Variants in SVOPL observed in about 807,000 individuals in gnomAD.
SVOPL encodes putative transporter SVOPL.
A neutral mutation model predicts 61.0 loss-of-function variants in SVOPL; 60 were observed. That is an observed-to-expected ratio of 0.98 (90% confidence interval 0.80 to 1.22). The LOEUF (loss-of-function observed/expected upper bound fraction) is 1.22. Among genes scored for constraint, SVOPL ranks in the 50% most tolerant of loss-of-function variants. The probability of loss-of-function intolerance (pLI) is 0.00; values close to 1 mark genes in which losing one functional copy is unlikely to be tolerated. For missense variants in SVOPL, 662 were observed against 643.9 expected, an observed-to-expected ratio of 1.03 and a Z score of -0.30; for synonymous variants, 279 against 250.0, an observed-to-expected ratio of 1.12 and a Z score of -1.09.
chr7:138,610,103 A>C (rs567212559), intron 14 of SVOPL, among the ~76,000 whole-genome samples: 1 of 152,326 alleles, frequency 6.6e-6, no homozygotes, highest in African/African-American at 2.4e-5. Flanking sequence ...CTAACTGAAA[A>C]GTAACTTCTG....
chr7:138,660,130 T>C (rs1801940534), intron 5 of SVOPL, 142 bp from the exon 6 acceptor site: 1 of 1,449,046 alleles, frequency 6.9e-7, no homozygotes, highest in Non-Finnish European at 9.1e-7. Context: ...CACTGGTCTT[T>C]CACAATCATC....
intron 1 of SVOPL, among the ~76,000 whole-genome samples, chr7:138,698,896 A>G (rs1203412752): frequency 6.6e-6 from 1 of 152,174 alleles, no homozygotes; most frequent in African/African-American, 2.4e-5. Flanking sequence ...CACACCTGTA[A>G]TCCCAGCACT....
Position 138,619,562 on chromosome 7 carries a change from A to T in SVOPL, c.1353+1484T>A, listed in dbSNP as rs532477158. On this transcript the variant is annotated intron_variant, in intron 14 of 15. Coordinates refer to ENST00000674285, the MANE Select transcript of SVOPL (RefSeq NM_001139456.2). ...GGATTAGCTTGGTTTCTCAGATGTT[A>T]AAAAAAAAAAAAAAAAAAAAAAAAA... Among the ~76,000 whole-genome samples the T allele has an allele frequency of 1.9e-3, 24 of 12,676 alleles. No individual in the cohort carries two copies. In the South Asian group the frequency reaches 0.038, roughly 20 times the overall value. 8.3% of individuals were successfully genotyped at this position (12,676 alleles called of 152,430 possible).
intron 5 of SVOPL, chr7:138,661,842 A>C (rs552627245): frequency 1.0e-6 from 1 of 984,824 alleles, no homozygotes; most frequent in South Asian, 4.7e-5. Context: ...TCTTGGTCCA[A>C]ATAAACTCCC....
chr7:138,622,090 G>GTATT (rs1799641049), intron 13 of SVOPL, among the ~76,000 whole-genome samples: 2 of 35,938 alleles, frequency 5.6e-5, no homozygotes, highest in African/African-American at 2.9e-4. Context: ...ATCTATCTAT[G>GTATT]TATCTATCTA....
chr7:138,689,612 ACT>A, intron 1 of SVOPL: 1 of 401,152 alleles, frequency 2.5e-6, no homozygotes, highest in South Asian at 2.4e-5. Flanking sequence ...TAATCCCAAC[ACT>A]TTGGGAGGCT....
intron 1 of SVOPL, among the ~76,000 whole-genome samples, chr7:138,684,658 T>C (rs1802766418): frequency 6.6e-6 from 1 of 152,174 alleles, no homozygotes; most frequent in East Asian, 1.9e-4. Context: ...TGTACACTGT[T>C]GGTGGGAATG....
At position 138,599,167 on chromosome 7, in the gene SVOPL, A is replaced by AAC. The variant is rs1554449761; in HGVS notation, c.1354-2638_1354-2637insGT. On this transcript the variant is annotated intron_variant, in intron 14 of 15. Transcript: ENST00000674285. ...AAAAAAAAAAAAAAAACCAAAAAAA[A>AAC]AAGAAATACAGAAATGTCAAAAGAC... 4.9e-5 allele frequency among the ~76,000 whole-genome samples: 6 copies of AAC among 121,810 alleles called. 1 individual carries two copies. The highest frequency in any genetic ancestry group is 8.3e-5 in the Non-Finnish European group (5 of 60,602). The allele number at this position is 121,810 out of a possible 152,430, so 79.9% of individuals were successfully genotyped here. A position where few individuals can be genotyped will look rare whatever the true frequency, so the allele number is the denominator to read the frequency against.
intron 4 of SVOPL, among the ~76,000 whole-genome samples, chr7:138,665,496 C>A (rs1166697013): frequency 6.6e-6 from 1 of 151,990 alleles, no homozygotes; most frequent in Non-Finnish European, 1.5e-5. Context: ...GTCTTCTGAG[C>A]TGTGATGGCC....
intron 14 of SVOPL, among the ~76,000 whole-genome samples, chr7:138,617,959 A>G (rs867890255): frequency 3.9e-5 from 6 of 152,144 alleles, no homozygotes; most frequent in Admixed American, 2.0e-4. Context: ...AAAGTTTGAG[A>G]ACTACCTTTC....
chr7:138,683,614 C>A (rs1802744782), intron 1 of SVOPL, among the ~76,000 whole-genome samples: 1 of 152,172 alleles, frequency 6.6e-6, no homozygotes. Context: ...GGTGATCCAC[C>A]CGCCTTGGCC....
intron 4 of SVOPL, chr7:138,664,294 C>A: frequency 1.0e-6 from 1 of 954,672 alleles, no homozygotes; most frequent in Non-Finnish European, 1.2e-6. Context: ...CGGGCACGCG[C>A]CTAACCCTCC....
intron 6 of SVOPL, among the ~76,000 whole-genome samples, chr7:138,658,643 A>C (rs1801859985): frequency 6.6e-6 from 1 of 152,106 alleles, no homozygotes. Flanking sequence ...TGCACATCTC[A>C]AAAACAATGA....
intron 5 of SVOPL, chr7:138,660,219 C>T (rs1801943756): frequency 1.6e-6 from 2 of 1,258,402 alleles, no homozygotes; most frequent in African/African-American, 3.1e-5. Flanking sequence ...AACTACCATG[C>T]TGTGCCCACC....
chr7:138,628,108 C>T, intron 11 of SVOPL, 50 bp downstream of exon 11: 1 of 1,604,090 alleles, frequency 6.2e-7, no homozygotes, highest in Non-Finnish European at 8.5e-7. Flanking sequence ...GACTCAAGTG[C>T]ACATAGACCA....
At position 138,701,205 on chromosome 7, in the gene SVOPL, A is replaced by G. The variant is rs185716864; in HGVS notation, c.-62T>C. 1.3e-5 allele frequency: 2 copies of G among 152,284 alleles called. No homozygotes were observed. The highest frequency in any genetic ancestry group is 1.3e-4 in the Admixed American group (2 of 15,282). The allele number at this position is 152,284 out of a possible 1,614,324, so 9.4% of individuals were successfully genotyped here. A position where few individuals can be genotyped will look rare whatever the true frequency, so the allele number is the denominator to read the frequency against. ...CTGTATATTCCTTGGACAGTCTTCC[A>G]ATTTCAGGCTCTTTTGCTCCCCTCA... On this transcript the variant is annotated 5_prime_UTR_variant, in exon 1 of 16. Transcript: ENST00000674285.
chr7:138,596,339 G>T, intron 15 of SVOPL, 78 bp downstream of exon 15: 1 of 1,148,352 alleles, frequency 8.7e-7, no homozygotes, highest in Non-Finnish European at 1.3e-6. Context: ...TAACTACAAT[G>T]ATGCCCATAT....
At chr7:138,656,382 T>TACTATAAG in intron 7 of SVOPL, 66 bp downstream of exon 7, 1 of 1,486,160 alleles carries the variant, frequency 6.7e-7, no homozygotes, top group Non-Finnish European at 9.3e-7. Flanking sequence ...ATTTCCAAGG[T>TACTATAAG]ATGCCTATAT....
intron 3 of SVOPL, among the ~76,000 whole-genome samples, chr7:138,676,291 G>C (rs1802558140): frequency 6.6e-6 from 1 of 152,220 alleles, no homozygotes. Context: ...TAGTCCATTT[G>C]TGCTGCTATC....
Sources: gnomAD v4.1 joint callset for allele counts (sites outside exome capture counted in the v4.1 genomes callset) on GRCh38, gnomAD v4.1.1 for gene constraint, MANE v1.5 for transcripts, NCBI Gene and HGNC (gene_info 2026-07-23, HGNC 2026-07-21) for gene names.